MEGF8: variants seen among roughly 807,000 people sequenced by gnomAD.
The protein encoded by MEGF8 is multiple EGF like domains 8, also known as multiple epidermal growth factor-like domains protein 8.
MEGF8 carries 156 observed loss-of-function variants against 302.9 expected under a neutral mutation model. The observed-to-expected ratio is 0.52, with a 90% CI of 0.45 to 0.59. The LOEUF (loss-of-function observed/expected upper bound fraction) is 0.59. Ranked by LOEUF, MEGF8 falls within the 20% of genes least tolerant of loss-of-function variation. The pLI, the probability that MEGF8 is intolerant of heterozygous loss-of-function variation, is 0.00. For synonymous variants in MEGF8, 1,621 were observed against 1,660.5 expected (o/e 0.98, Z 0.58); for missense variants, 3,345 against 3,964.5 (o/e 0.84, Z 4.20).
chr19:42,344,336 G>GT lies in MEGF8; in HGVS notation c.1789-99dup, dbSNP rs1463990803. On this transcript the variant is annotated intron_variant, in intron 10 of 41. Transcript: ENST00000251268. The surrounding 1 kb of genome is among the most constrained non-coding windows in gnomAD (Gnocchi z 4.5). Reference sequence around the variant, plus strand: ...TTCCAAGTCAACTCCCCGTTCTTCAGTTTTTTCGCCCTTTCCATCGCAGGA... The same window carrying GT: ...TTCCAAGTCAACTCCCCGTTCTTCAGTTTTTTTCGCCCTTTCCATCGCAGGA... 95 of 1,442,440 alleles carry GT rather than the reference G, an allele frequency of 6.6e-5. No individual in the cohort carries two copies. Among genetic ancestry groups the GT allele is most frequent in the Non-Finnish European group, 8.1e-5 (88 of 1,087,072 alleles). The allele number at this position is 1,442,440 out of a possible 1,614,324, so 89.4% of individuals were successfully genotyped here. A position where few individuals can be genotyped will look rare whatever the true frequency, so the allele number is the denominator to read the frequency against.
At position 42,375,558 on chromosome 19, in the gene MEGF8, T is replaced by G; in HGVS notation, c.7321T>G (p.Cys2441Gly). ...CGGGAGTCCGCTGGGCGGCCAGCAG[T>G]GCTACCGCCTCATCTCGGTGGAGCA... Reference protein sequence around the residue: ...FHGSPLGGQQCYRLISVEQEC... With the variant: ...FHGSPLGGQQGYRLISVEQEC... The change falls in exon 42 of 42, where the codon TGC (cysteine) becomes GGC (glycine). Residue 2441 changes from cysteine (C) to glycine (G), a missense_variant. Cys to Gly is a radical substitution (Grantham distance 159). Coordinates refer to ENST00000251268, the MANE Select transcript of MEGF8 (RefSeq NM_001271938.2). This position sits in a 1 kb window ranked among gnomAD's most constrained non-coding sequence, Gnocchi z 7.1. 1 of 1,595,020 alleles carries G rather than the reference T, an allele frequency of 6.3e-7. No individual in the cohort carries two copies. The highest frequency in any genetic ancestry group is 8.5e-7 in the Non-Finnish European group (1 of 1,171,708).
At position 42,349,612 on chromosome 19, in the gene MEGF8, G is replaced by T; in HGVS notation, c.2412G>T (p.Glu804Asp). ...GGCGGGACCACAAGTATGCAGTAGA[G>T]ATCCAGGGCCAGCTCAATGGCTCGG... ...LPGRDHKYAV[E>D]IQGQLNGSAG... The change falls in exon 14 of 42, where the codon GAG becomes GAT. Residue 804 changes from glutamate (E) to aspartate (D), a missense_variant. Physicochemically the swap from Glu to Asp is conservative, Grantham distance 45. Transcript: ENST00000251268. 1 of 1,612,182 alleles carries T rather than the reference G, an allele frequency of 6.2e-7. No individual in the cohort carries two copies. The highest frequency in any genetic ancestry group is 8.5e-7 in the Non-Finnish European group (1 of 1,179,824).
In MEGF8 at chr19:42,375,505, A is replaced by G; in HGVS notation, c.7270-2A>G. On this transcript the variant is annotated splice_acceptor_variant, in intron 41 of 41. Coordinates refer to ENST00000251268, the MANE Select transcript of MEGF8 (RefSeq NM_001271938.2). LOFTEE classifies it high-confidence loss of function. The surrounding 1 kb of genome is among the most constrained non-coding windows in gnomAD (Gnocchi z 7.1). ...GGTCACCGCCTCTAACCCTGCCCGC[A>G]GTGCGCCAAGTGCCGGGAATCATTT... 6.3e-7 allele frequency: 1 copy of G among 1,574,988 alleles called. No individual in the cohort carries two copies. Among genetic ancestry groups the G allele is most frequent in the Non-Finnish European group, 8.6e-7 (1 of 1,161,368 alleles).
In MEGF8 at chr19:42,337,176, G is replaced by T; in HGVS notation, c.1483G>T (p.Ala495Ser). 1 of 1,613,944 alleles carries T rather than the reference G, an allele frequency of 6.2e-7. No homozygotes were observed. The highest frequency in any genetic ancestry group is 8.5e-7 in the Non-Finnish European group (1 of 1,179,894). The change falls in exon 8 of 42, where the codon GCT becomes TCT. Residue 495 changes from alanine (A) to serine (S), a missense_variant. Ala to Ser is a moderately conservative substitution (Grantham distance 99, BLOSUM62 1). Coordinates refer to ENST00000251268, the MANE Select transcript of MEGF8 (RefSeq NM_001271938.2). ...HLGCHQWVSG[A>S]ELAPPGTPEG... is the part of the protein sequence containing the mutation. Reference sequence around the variant, plus strand: ...TGGCTGCCATCAATGGGTGTCAGGAGCTGAGCTTGCCCCGCCAGGAACCCC... The same window carrying T: ...TGGCTGCCATCAATGGGTGTCAGGATCTGAGCTTGCCCCGCCAGGAACCCC...
intron 8 of MEGF8, 39 bp from the exon 9 acceptor site, chr19:42,343,438 G>A (rs764360173): frequency 2.6e-6 from 4 of 1,553,990 alleles, no homozygotes; most frequent in Non-Finnish European, 3.5e-6. Context: ...TGGAGGGGCT[G>A]GGGGTCTAAT....
chr19:42,334,319 C>T, intron 3 of MEGF8, 106 bp downstream of exon 3: 1 of 1,054,842 alleles, frequency 9.5e-7, no homozygotes, highest in Non-Finnish European at 1.3e-6. Context: ...ACTCCCCCCA[C>T]CACCCCACCC....
rs966532708 is a variant in MEGF8 at position 42,338,246 on chromosome 19, G to GT, written c.1513+1050dup. Among the ~76,000 whole-genome samples, 379 of 142,530 alleles carry GT rather than the reference G, an allele frequency of 2.7e-3. 5 individuals carry two copies. Among genetic ancestry groups the GT allele is most frequent in the Admixed American group, 0.014 (199 of 14,364 alleles). The allele number at this position is 142,530 out of a possible 152,430, so 93.5% of individuals were successfully genotyped here. A position where few individuals can be genotyped will look rare whatever the true frequency, so the allele number is the denominator to read the frequency against. ...TACCCAACAGGTAGGTTTTTTTTTT[G>GT]TTTTTTTTTTGGGGATGGAGTCTTA... On this transcript the variant is annotated intron_variant, in intron 8 of 41. Coordinates refer to ENST00000251268, the MANE Select transcript of MEGF8 (RefSeq NM_001271938.2).
At position 42,349,544 on chromosome 19, in the gene MEGF8, C is replaced by T. The variant is rs1281253733; in HGVS notation, c.2344C>T (p.Arg782Trp). The T allele has an allele frequency of 6.8e-6, 11 of 1,611,908 alleles. No individual in the cohort carries two copies. The highest frequency in any genetic ancestry group is 3.3e-5 in the South Asian group (3 of 91,060). The change falls in exon 14 of 42, where the codon CGG (arginine) becomes TGG (tryptophan). Residue 782 changes from arginine to tryptophan, a missense_variant. Transcript: ENST00000251268. ...WVAHQEKETRRLQRPGSARLF... is the reference protein window; with the variant it reads ...WVAHQEKETRWLQRPGSARLF... ...GGCTCATCAGGAGAAGGAGACGCGG[C>T]GGCTGCAGCGCCCTGGGTCTGCTCG...
intron 1 of MEGF8, among the ~76,000 whole-genome samples, chr19:42,330,013 G>A (rs1002448791): frequency 6.6e-6 from 1 of 151,952 alleles, no homozygotes; most frequent in African/African-American, 2.4e-5. Context: ...CTTGATCTCG[G>A]CTCACTGCAG....
At chr19:42,364,808 A>G (rs1374208438) in intron 35 of MEGF8, among the ~76,000 whole-genome samples, 1 of 152,220 alleles carries the variant, frequency 6.6e-6, no homozygotes, top group Non-Finnish European at 1.5e-5. Flanking sequence ...CTAAAATGGG[A>G]ATCATTTCAC....
intron 32 of MEGF8, 51 bp downstream of exon 32, chr19:42,361,057 G>A (rs886103101): frequency 6.0e-6 from 9 of 1,503,140 alleles, no homozygotes; most frequent in Non-Finnish European, 7.1e-6. Flanking sequence ...CTCTAATGGG[G>A]GTCCTGTGCT....
chr19:42,360,382 G>C (rs543783231), intron 31 of MEGF8, among the ~76,000 whole-genome samples: 5 of 119,630 alleles, frequency 4.2e-5, no homozygotes, highest in Non-Finnish European at 8.2e-5. Context: ...GTCTTGTTCT[G>C]TTGCCCAGGC....
At chr19:42,335,472 T>C (rs1344434021) in intron 5 of MEGF8, 87 bp downstream of exon 5, 1 of 1,203,114 alleles carries the variant, frequency 8.3e-7, no homozygotes, top group Non-Finnish European at 1.2e-6. Context: ...TATCACCTAG[T>C]GCTCCCACAG....
In MEGF8 at chr19:42,376,671, GAGT is replaced by G; in HGVS notation, c.8436_8438del (p.Glu2812_Tyr2813delinsAsp). The G allele has an allele frequency of 6.5e-7, 1 of 1,529,160 alleles. No homozygotes were observed. Among genetic ancestry groups the G allele is most frequent in the Non-Finnish European group, 8.8e-7 (1 of 1,138,474 alleles). The allele number at this position is 1,529,160 out of a possible 1,614,324, so 94.7% of individuals were successfully genotyped here. ...CGTCACACTGCGGCACAGGCTGCAC[GAGT>G]ACTGTGGGGGTGGTGGGGGTGCTGG... On this transcript the variant is annotated inframe_deletion, in exon 42 of 42. Coordinates refer to ENST00000251268, the MANE Select transcript of MEGF8 (RefSeq NM_001271938.2). The surrounding 1 kb of genome is among the most constrained non-coding windows in gnomAD (Gnocchi z 8.2).
In MEGF8 at chr19:42,377,039, G is replaced by T. The variant is rs568121750; in HGVS notation, c.*264G>T. The T allele has an allele frequency of 9.4e-6, 4 of 424,086 alleles. No homozygotes were observed. Among genetic ancestry groups the T allele is most frequent in the African/African-American group, 8.2e-5 (4 of 49,002 alleles). 26.3% of individuals were successfully genotyped at this position (424,086 alleles called of 1,614,324 possible). A position where few individuals can be genotyped will look rare whatever the true frequency, so the allele number is the denominator to read the frequency against. On this transcript the variant is annotated 3_prime_UTR_variant, in exon 42 of 42. Transcript: ENST00000251268. ...CCTGATCTCATGGGACTTAGGTTCT[G>T]GTGAAGGGAGACAATCAGTGCACAT...
At position 42,369,512 on chromosome 19, in the gene MEGF8, C is replaced by A. The variant is rs775576305; in HGVS notation, c.6642-19C>A. The A allele has an allele frequency of 1.3e-6, 2 of 1,596,614 alleles. No individual in the cohort carries two copies. Among genetic ancestry groups the A allele is most frequent in the South Asian group, 1.1e-5 (1 of 90,552 alleles). On this transcript the variant is annotated intron_variant, in intron 37 of 41. Transcript: ENST00000251268. The surrounding 1 kb of genome is among the most constrained non-coding windows in gnomAD (Gnocchi z 5.7). ...GAGGAGGGTGGCCACCTGCCCTGAC[C>A]CCCACTTTGCCCCTGCAGCATGACA...
chr19:42,375,695 C>T lies in MEGF8; in HGVS notation c.7458C>T (p.Asn2486=), dbSNP rs376414502. The T allele has an allele frequency of 1.7e-5, 27 of 1,610,834 alleles. No individual in the cohort carries two copies. The highest frequency in any genetic ancestry group is 3.4e-5 in the Admixed American group (2 of 59,652). The change falls in exon 42 of 42, where the codon AAC becomes AAT. Residue 2486 remains asparagine (N), a synonymous_variant. Transcript: ENST00000251268. The surrounding 1 kb of genome is among the most constrained non-coding windows in gnomAD (Gnocchi z 7.1). Reference sequence around the variant, plus strand: ...TTGGCGTGCAGCCCAAATTCACCAACGTGGACATCCGCCTGACGCTGGACG... The same window carrying T: ...TTGGCGTGCAGCCCAAATTCACCAATGTGGACATCCGCCTGACGCTGGACG... ...VLFGVQPKFT[N]VDIRLTLDVT... is the part of the protein sequence containing the mutation.
In MEGF8 at chr19:42,362,413, C is replaced by T. The variant is rs775487813; in HGVS notation, c.5874C>T (p.Thr1958=). Residue 1958 remains threonine (T), a synonymous_variant, in exon 34 of 42, where the codon ACC becomes ACT. Transcript: ENST00000251268. Reference sequence around the variant, plus strand: ...CCACCCCCCGCTGTAAGTGGTGTACCAACTGCCCCGAAGGTGCTTGCATTG... The same window carrying T: ...CCACCCCCCGCTGTAAGTGGTGTACTAACTGCCCCGAAGGTGCTTGCATTG... The part of the protein sequence containing the change: ...EASTPRCKWC[T]NCPEGACIGR... 6.2e-7 allele frequency: 1 copy of T among 1,613,970 alleles called. No individual in the cohort carries two copies. Among genetic ancestry groups the T allele is most frequent in the South Asian group, 1.1e-5 (1 of 91,090 alleles).
Position 42,352,860 on chromosome 19 carries a change from G to C in MEGF8, c.3351-68G>C, listed in dbSNP as rs1042174908. 8.5e-6 allele frequency: 10 copies of C among 1,175,222 alleles called. No homozygotes were observed. Among genetic ancestry groups the C allele is most frequent in the Admixed American group, 4.2e-5 (2 of 47,488 alleles). 72.8% of individuals were successfully genotyped at this position (1,175,222 alleles called of 1,614,324 possible). ...CTTTGATGGTGTCATGGTGGGTGGAGATGATGGGGTGCTTTAGGGGCTCTG... is the reference window on the plus strand; with the variant it reads ...CTTTGATGGTGTCATGGTGGGTGGACATGATGGGGTGCTTTAGGGGCTCTG... On this transcript the variant is annotated intron_variant, in intron 19 of 41. Transcript: ENST00000251268. This position sits in a 1 kb window ranked among gnomAD's most constrained non-coding sequence, Gnocchi z 4.4.
Sources: gnomAD v4.1 joint callset for allele counts (sites outside exome capture counted in the v4.1 genomes callset) on GRCh38, gnomAD v4.1.1 for gene constraint, Gnocchi (gnomAD v3.1) non-coding constraint, MANE v1.5 for transcripts, NCBI Gene and HGNC (gene_info 2026-07-23, HGNC 2026-07-21) for gene names.